Variants in COA4 observed in about 807,000 individuals in gnomAD.
The protein encoded by COA4 is cytochrome c oxidase assembly factor 4 homolog.
Under a neutral mutation model 7.3 loss-of-function variants are expected in COA4, and 8 were observed. The observed-to-expected ratio is 1.10, with a 90% CI of 0.64 to 1.98. COA4 has a LOEUF of 1.98. Among genes scored for constraint, COA4 ranks in the 30% most tolerant of loss-of-function variants. The probability of loss-of-function intolerance (pLI) is 0.00; values close to 1 mark genes in which losing one functional copy is unlikely to be tolerated. For synonymous variants in COA4, 42 were observed against 44.3 expected (o/e 0.95, Z 0.21); for missense variants, 96 against 111.2 (o/e 0.86, Z 0.62).
chr11:73,873,576 C>G, intron 1 of COA4, 182 bp from the exon 2 acceptor site: 1 of 591,462 alleles, frequency 1.7e-6, no homozygotes, highest in Non-Finnish European at 2.9e-6. Context: ...TGCTTTGTTG[C>G]CCAGGCTCAC....
chr11:73,876,747 C>G lies in COA4; in HGVS notation c.-17+10G>C, dbSNP rs1319734807. 4 of 331,096 alleles carry G rather than the reference C, an allele frequency of 1.2e-5. No homozygotes were observed. The highest frequency in any genetic ancestry group is 2.2e-5 in the Non-Finnish European group (4 of 182,902). 20.5% of individuals were successfully genotyped at this position (331,096 alleles called of 1,614,324 possible). A position where few individuals can be genotyped will look rare whatever the true frequency, so the allele number is the denominator to read the frequency against. On this transcript the variant is annotated intron_variant, in intron 1 of 1. Transcript: ENST00000355693. ...AACGCCTCCTGAAGAACGCGGTACG[C>G]GATGCTCACCGAACAGGTGGGAGAA...
chr11:73,876,716 G>A (rs1008778563), intron 1 of COA4, 41 bp downstream of exon 1: 18 of 285,440 alleles, frequency 6.3e-5, no homozygotes, highest in Non-Finnish European at 1.2e-4. Flanking sequence ...GCCCCGTTGT[G>A]CCCGCAACGC....
intron 1 of COA4, among the ~76,000 whole-genome samples, chr11:73,875,475 T>C (rs1395605289): frequency 2.0e-5 from 3 of 152,134 alleles, no homozygotes; most frequent in Non-Finnish European, 4.4e-5. Context: ...AGTGTACAGA[T>C]AGCAAAGACT....
intron 1 of COA4, among the ~76,000 whole-genome samples, chr11:73,875,210 A>G (rs147550776): frequency 1.3e-4 from 20 of 152,380 alleles, no homozygotes; most frequent in African/African-American, 4.8e-4. Flanking sequence ...AGCAGAAAGC[A>G]GCATACAGAA....
At position 73,873,349 on chromosome 11, in the gene COA4, G is replaced by T. The variant is rs746331038; in HGVS notation, c.30C>A (p.Thr10=). The change falls in exon 2 of 2, where the codon ACC becomes ACA. Residue 10 remains threonine (T), a synonymous_variant. Coordinates refer to ENST00000355693, the MANE Select transcript of COA4 (RefSeq NM_016565.3). MSTSVPQGH[T]WTQRVKKDDE... ...CGTCTTTCTTCACCCGTTGGGTCCAGGTATGGCCTTGAGGGACTGAGGTTG... is the reference window on the plus strand; with the variant it reads ...CGTCTTTCTTCACCCGTTGGGTCCATGTATGGCCTTGAGGGACTGAGGTTG... The T allele has an allele frequency of 2.1e-5, 34 of 1,614,070 alleles. No homozygotes were observed. The highest frequency in any genetic ancestry group is 2.9e-5 in the Non-Finnish European group (34 of 1,180,036).
intron 1 of COA4, 66 bp from the exon 2 acceptor site, chr11:73,873,460 T>G: frequency 1.5e-5 from 21 of 1,402,614 alleles, no homozygotes; most frequent in Non-Finnish European, 2.1e-5. Context: ...TAAATAGCAC[T>G]GACCAGACTG....
In COA4 at chr11:73,873,026, C is replaced by A; in HGVS notation, c.*89G>T. 6.7e-7 allele frequency: 1 copy of A among 1,490,168 alleles called. No homozygotes were observed. The highest frequency in any genetic ancestry group is 1.3e-5 in the South Asian group (1 of 74,562). The allele number at this position is 1,490,168 out of a possible 1,614,324, so 92.3% of individuals were successfully genotyped here. A position where few individuals can be genotyped will look rare whatever the true frequency, so the allele number is the denominator to read the frequency against. ...AACTCTCCCCATGTTTTAGACCTCC[C>A]ACACCAGCATTTAGGATTTCTTCCT... is the stretch of plus-strand genomic sequence containing the variant. On this transcript the variant is annotated 3_prime_UTR_variant, in exon 2 of 2. Transcript: ENST00000355693.
chr11:73,873,104 G>A lies in COA4; in HGVS notation c.*11C>T. 1 of 1,591,538 alleles carries A rather than the reference G, an allele frequency of 6.3e-7. No individual in the cohort carries two copies. The highest frequency in any genetic ancestry group is 8.6e-7 in the Non-Finnish European group (1 of 1,166,202). ...GCAGGGCCATCTACTGGGGATAGGT[G>A]GTTTGGGGTCTCAGTGGTGGGCACC... On this transcript the variant is annotated 3_prime_UTR_variant, in exon 2 of 2. Transcript: ENST00000355693.
intron 1 of COA4, among the ~76,000 whole-genome samples, chr11:73,873,910 G>T (rs2135106408): frequency 6.6e-6 from 1 of 152,302 alleles, no homozygotes; most frequent in South Asian, 2.1e-4. Flanking sequence ...GAGATAAACT[G>T]TGAGAATGCT....
chr11:73,875,816 C>T (rs1320781763), intron 1 of COA4: 5 of 152,180 alleles, frequency 3.3e-5, no homozygotes, highest in African/African-American at 1.2e-4. Context: ...TGGGGAATCA[C>T]AAGAGGGAGT....
rs1360236766 is a variant in COA4, at chr11:73,873,049, C to T, written c.*66G>A. 1 of 1,512,618 alleles carries T rather than the reference C, an allele frequency of 6.6e-7. No homozygotes were observed. The highest frequency in any genetic ancestry group is 1.4e-5 in the African/African-American group (1 of 71,762). The allele number at this position is 1,512,618 out of a possible 1,614,324, so 93.7% of individuals were successfully genotyped here. A position where few individuals can be genotyped will look rare whatever the true frequency, so the allele number is the denominator to read the frequency against. ...CCCACACCAGCATTTAGGATTTCTT[C>T]CTCTATAATCTTGCTGGGTGCTGGT... On this transcript the variant is annotated 3_prime_UTR_variant, in exon 2 of 2. Coordinates refer to ENST00000355693, the MANE Select transcript of COA4 (RefSeq NM_016565.3).
At chr11:73,873,765 T>A in intron 1 of COA4, 1 of 220,928 alleles carries the variant, frequency 4.5e-6, no homozygotes, top group Non-Finnish European at 9.0e-6. Flanking sequence ...GTGATCCTCC[T>A]GCCTTAGCCA....
rs750290959 is a variant in COA4 at position 73,873,331 on chromosome 11, C to A, written c.48G>T (p.Lys16Asn). ...PQGHTWTQRV[K>N]KDDEEEDPLD... Reference sequence around the variant, plus strand: ...GCGGGTCCTCCTCCTCATCGTCTTTCTTCACCCGTTGGGTCCAGGTATGGC... The same window carrying A: ...GCGGGTCCTCCTCCTCATCGTCTTTATTCACCCGTTGGGTCCAGGTATGGC... Residue 16 changes from lysine to asparagine, a missense_variant, in exon 2 of 2, where the codon AAG becomes AAT. Coordinates refer to ENST00000355693, the MANE Select transcript of COA4 (RefSeq NM_016565.3). 4.3e-6 allele frequency: 7 copies of A among 1,614,220 alleles called. No individual in the cohort carries two copies. The highest frequency in any genetic ancestry group is 5.9e-6 in the Non-Finnish European group (7 of 1,180,026).
chr11:73,873,512 CTCTA>C, intron 1 of COA4, 118 bp from the exon 2 acceptor site: 1 of 777,976 alleles, frequency 1.3e-6, no homozygotes, highest in Non-Finnish European at 2.0e-6. Flanking sequence ...CCGTGGGAGA[CTCTA>C]AGCTTGAAGA....
intron 1 of COA4, 66 bp downstream of exon 1, chr11:73,876,691 C>A (rs1226585873): frequency 4.2e-6 from 1 of 238,228 alleles, no homozygotes; most frequent in African/African-American, 2.2e-5. Flanking sequence ...TGCGCGCGCG[C>A]GGCCGCTGAT....
intron 1 of COA4, 76 bp from the exon 2 acceptor site, chr11:73,873,470 G>A: frequency 7.7e-7 from 1 of 1,302,544 alleles, no homozygotes. Context: ...TGACCAGACT[G>A]CACCATTTAG....
Position 73,873,061 on chromosome 11 carries a change from T to C in COA4, c.*54A>G. On this transcript the variant is annotated 3_prime_UTR_variant, in exon 2 of 2. Coordinates refer to ENST00000355693, the MANE Select transcript of COA4 (RefSeq NM_016565.3). ...TTTAGGATTTCTTCCTCTATAATCTTGCTGGGTGCTGGTCTTGGCAGGGCC... is the reference window on the plus strand; with the variant it reads ...TTTAGGATTTCTTCCTCTATAATCTCGCTGGGTGCTGGTCTTGGCAGGGCC... 1 of 1,529,030 alleles carries C rather than the reference T, an allele frequency of 6.5e-7. No homozygotes were observed. The highest frequency in any genetic ancestry group is 2.3e-5 in the East Asian group (1 of 44,066). The allele number at this position is 1,529,030 out of a possible 1,614,324, so 94.7% of individuals were successfully genotyped here. A position where few individuals can be genotyped will look rare whatever the true frequency, so the allele number is the denominator to read the frequency against.
At chr11:73,875,703 G>C (rs963261486) in intron 1 of COA4, 3 of 151,962 alleles carry the variant, frequency 2.0e-5, no homozygotes, top group Admixed American at 1.3e-4. Flanking sequence ...GGAGAATACA[G>C]TGTGAGAATA....
rs200767166 is a variant in COA4, at chr11:73,873,402, A to C, written c.-16-8T>G. The C allele has an allele frequency of 6.8e-6, 11 of 1,612,528 alleles. No homozygotes were observed. In the African/African-American group the frequency reaches 1.5e-4, roughly 21 times the overall value. On this transcript the variant is annotated splice_region_variant and splice_polypyrimidine_tract_variant and intron_variant, in intron 1 of 1. Coordinates refer to ENST00000355693, the MANE Select transcript of COA4 (RefSeq NM_016565.3). ...ATCCTGGGGATGGGGAGTCTATAGAACATTAACAGGTTAGAGTAGGGATAT... is the reference window on the plus strand; with the variant it reads ...ATCCTGGGGATGGGGAGTCTATAGACCATTAACAGGTTAGAGTAGGGATAT...
Sources: allele counts gnomAD v4.1 joint callset (sites outside exome capture counted in the v4.1 genomes callset), GRCh38; gene constraint gnomAD v4.1.1; transcripts MANE v1.5; gene names NCBI Gene and HGNC (gene_info 2026-07-23, HGNC 2026-07-21).